The following PCBP3 variants were observed in gnomAD, a reference collection of about 807,000 sequenced individuals.
PCBP3 encodes the protein poly(rC) binding protein 3, also known as poly(rC)-binding protein 3.
PCBP3 carries 25 observed loss-of-function variants against 52.7 expected under a neutral mutation model. The ratio of observed to expected loss-of-function variants is 0.47; its 90% CI spans 0.35 to 0.66. The LOEUF is 0.66. Ranked by LOEUF, PCBP3 falls within the 30% of genes least tolerant of loss-of-function variation. PCBP3 has a pLI of 0.01. For missense variants in PCBP3, 391 were observed against 490.3 expected (o/e 0.80, Z 1.91); for synonymous variants, 162 against 183.0 (o/e 0.89, Z 0.93).
At chr21:45,839,427 C>A (rs2147954593) in intron 4 of PCBP3, among the ~76,000 whole-genome samples, 1 of 152,342 alleles carries the variant, frequency 6.6e-6, no homozygotes, top group Non-Finnish European at 1.5e-5. Context: ...TATGACAAAG[C>A]TTCTCCAATT....
intron 4 of PCBP3, among the ~76,000 whole-genome samples, chr21:45,842,375 G>A: frequency 6.6e-6 from 1 of 152,116 alleles, no homozygotes; most frequent in East Asian, 1.9e-4. Context: ...GAGATTGTCT[G>A]TTTCATTTTT....
chr21:45,697,841 T>C (rs1056894819), intron 2 of PCBP3, among the ~76,000 whole-genome samples: 5 of 152,156 alleles, frequency 3.3e-5, no homozygotes, highest in African/African-American at 1.2e-4. Context: ...CATGGCTCAT[T>C]TTTGAATCAG....
chr21:45,900,794 G>A (rs1250448417), intron 8 of PCBP3, among the ~76,000 whole-genome samples, 171 bp downstream of exon 8: 1 of 152,214 alleles, frequency 6.6e-6, no homozygotes, highest in East Asian at 1.9e-4. Context: ...CTCCCCTGTG[G>A]GGAAGGAATC....
intron 9 of PCBP3, among the ~76,000 whole-genome samples, chr21:45,907,951 G>T (rs1446290215): frequency 6.6e-6 from 1 of 152,112 alleles, no homozygotes; most frequent in African/African-American, 2.4e-5. Context: ...CCAGGTTGCT[G>T]ACTAGCTGTA....
chr21:45,733,713 G>C (rs1424301911), intron 2 of PCBP3, among the ~76,000 whole-genome samples: 1 of 152,132 alleles, frequency 6.6e-6, no homozygotes, highest in Non-Finnish European at 1.5e-5. Flanking sequence ...CAATTCTCCT[G>C]CTTCAGCCTC....
chr21:45,685,894 A>G (rs975437841), intron 2 of PCBP3, among the ~76,000 whole-genome samples: 5 of 151,270 alleles, frequency 3.3e-5, no homozygotes, highest in African/African-American at 7.3e-5. Context: ...ACAAAACAAA[A>G]CAAAAAGCCT....
At chr21:45,918,281 T>C (rs1008732097) in intron 13 of PCBP3, 6 of 155,230 alleles carry the variant, frequency 3.9e-5, no homozygotes, top group African/African-American at 1.4e-4. Context: ...TCCTGCTGGG[T>C]CTAGGTGTAA....
rs565547179 is a variant in PCBP3 at position 45,761,070 on chromosome 21, C to T, written c.-126+5618C>T. ...CCATTGCACTCCAGAGAGCGAGACT[C>T]CATCTCAAAAAAAAAAAAAAAGTTC... is the stretch of plus-strand genomic sequence containing the variant. On this transcript the variant is annotated intron_variant, in intron 4 of 17. Coordinates refer to ENST00000681687, the MANE Select transcript of PCBP3 (RefSeq NM_001384156.1). The T allele has an allele frequency of 3.3e-5, 5 of 151,246 alleles. No individual in the cohort carries two copies. The East Asian group carries it at 9.7e-4, about 29-fold the overall frequency. The allele number at this position is 151,246 out of a possible 1,614,324, so 9.4% of individuals were successfully genotyped here.
At chr21:45,734,189 G>A (rs576230144) in intron 2 of PCBP3, among the ~76,000 whole-genome samples, 67 of 152,320 alleles carry the variant, frequency 4.4e-4, no homozygotes, top group African/African-American at 1.6e-3. Flanking sequence ...AGTCATTTGA[G>A]TGCTCAGTGT....
chr21:45,792,471 TAA>T (rs1044976561), intron 4 of PCBP3, among the ~76,000 whole-genome samples: 29 of 152,212 alleles, frequency 1.9e-4, no homozygotes, highest in African/African-American at 6.0e-4. Flanking sequence ...TTTTCTTTTT[TAA>T]AAAAGACAGC....
rs1381652745 is a variant in PCBP3, at chr21:45,694,404, A to G, written c.-200+25452A>G. Among the ~76,000 whole-genome samples, 3 of 152,174 alleles carry G rather than the reference A, an allele frequency of 2.0e-5. No homozygotes were observed. The East Asian group carries it at 5.8e-4, about 29-fold the overall frequency. Reference sequence around the variant, plus strand: ...ATCTATACCACTTGAACATTAACCAAAACAAACTGGAATAACTTTATTACT... The same window carrying G: ...ATCTATACCACTTGAACATTAACCAGAACAAACTGGAATAACTTTATTACT... On this transcript the variant is annotated intron_variant, in intron 2 of 17. Coordinates refer to ENST00000681687, the MANE Select transcript of PCBP3 (RefSeq NM_001384156.1).
In PCBP3 at chr21:45,935,285, G is replaced by A; in HGVS notation, c.889G>A (p.Glu297Lys). 6.2e-7 allele frequency: 1 copy of A among 1,613,282 alleles called. No homozygotes were observed. The highest frequency in any genetic ancestry group is 8.5e-7 in the Non-Finnish European group (1 of 1,179,506). Residue 297 changes from glutamate (E) to lysine (K), a missense_variant, in exon 16 of 18, where the codon GAG (glutamate) becomes AAG (lysine). Transcript: ENST00000681687. ...CGCCAGCCCACCGGCCAGCACTCAT[G>A]AGCTCACCATTCCCAATGATGTGAG... ...LDASPPASTH[E>K]LTIPNDLIGC...
At chr21:45,864,789 C>T (rs8132440) in intron 5 of PCBP3, among the ~76,000 whole-genome samples, 1 of 152,152 alleles carries the variant, frequency 6.6e-6, no homozygotes, top group East Asian at 1.9e-4. Flanking sequence ...TGTTTTAACT[C>T]GCTTTCCAGG....
intron 4 of PCBP3, among the ~76,000 whole-genome samples, chr21:45,784,403 T>TCTACCTCTACCTCTACCG (rs2090911648): frequency 2.5e-5 from 3 of 118,292 alleles, no homozygotes; most frequent in Admixed American, 7.9e-5. Context: ...TACCGCTACC[T>TCTACCTCTACCTCTACCG]CTACCGCTAC....
intron 1 of PCBP3, among the ~76,000 whole-genome samples, chr21:45,653,870 C>A (rs915528743): frequency 6.6e-6 from 1 of 151,892 alleles, no homozygotes; most frequent in African/African-American, 2.4e-5. Context: ...ATTTTTCCAC[C>A]TTCTCCAGTA....
At chr21:45,718,318 T>C (rs531537173) in intron 2 of PCBP3, among the ~76,000 whole-genome samples, 11 of 152,136 alleles carry the variant, frequency 7.2e-5, no homozygotes, top group Admixed American at 3.9e-4. Flanking sequence ...AATTTCTATT[T>C]CTATTTAGTT....
At chr21:45,666,303 A>G (rs2080792302) in intron 1 of PCBP3, among the ~76,000 whole-genome samples, 2 of 152,230 alleles carry the variant, frequency 1.3e-5, no homozygotes, top group Non-Finnish European at 2.9e-5. Flanking sequence ...AAAGGCATCC[A>G]TTTTGGAAAA....
chr21:45,825,813 T>A (rs2093291225), intron 4 of PCBP3, among the ~76,000 whole-genome samples: 1 of 151,918 alleles, frequency 6.6e-6, no homozygotes, highest in African/African-American at 2.4e-5. Flanking sequence ...TGGTGGGACG[T>A]GGGGGCGCAT....
chr21:45,786,086 C>A (rs2091130425), intron 4 of PCBP3, among the ~76,000 whole-genome samples: 1 of 148,842 alleles, frequency 6.7e-6, no homozygotes, highest in Non-Finnish European at 1.5e-5. Context: ...GTCCTGTGAC[C>A]CTGCCAAATC....
Sources: allele counts gnomAD v4.1 joint callset (sites outside exome capture counted in the v4.1 genomes callset), GRCh38; gene constraint gnomAD v4.1.1; transcripts MANE v1.5; gene names NCBI Gene and HGNC (gene_info 2026-07-23, HGNC 2026-07-21).